Variants in ZMAT4 observed in about 807,000 individuals in gnomAD.
ZMAT4 encodes zinc finger matrin-type protein 4.
Under a neutral mutation model 28.7 loss-of-function variants are expected in ZMAT4, and 17 were observed. That is an observed-to-expected ratio of 0.59 (90% CI 0.41 to 0.89). The LOEUF is 0.89. ZMAT4 is among the 40% of genes least tolerant of loss of function. The pLI is 0.00. For missense variants in ZMAT4, 240 were observed against 283.8 expected (o/e 0.85, Z 1.11); for synonymous variants, 117 against 109.2 (o/e 1.07, Z -0.44).
At chr8:40,566,140 T>C (rs1201607115) in intron 6 of ZMAT4, among the ~76,000 whole-genome samples, 1 of 152,162 alleles carries the variant, frequency 6.6e-6, no homozygotes, top group Non-Finnish European at 1.5e-5. Context: ...CAAGGAAAGT[T>C]CTGATGTTCC....
chr8:40,831,517 C>T (rs1251400290), intron 1 of ZMAT4, among the ~76,000 whole-genome samples: 2 of 152,240 alleles, frequency 1.3e-5, no homozygotes, highest in African/African-American at 2.4e-5. Flanking sequence ...AGGGTGGCAT[C>T]TCCTCCAGCC....
intron 5 of ZMAT4, among the ~76,000 whole-genome samples, chr8:40,660,715 T>TA (rs1446753465): frequency 2.0e-5 from 3 of 152,206 alleles, no homozygotes; most frequent in African/African-American, 7.2e-5. Flanking sequence ...ACCTCAACTA[T>TA]AAAATCCCCA....
chr8:40,756,944 C>T (rs1415474215), intron 3 of ZMAT4, among the ~76,000 whole-genome samples: 1 of 152,126 alleles, frequency 6.6e-6, no homozygotes, highest in East Asian at 1.9e-4. Flanking sequence ...TCACTCAGCA[C>T]TGTCACTCAG....
rs183935841 is a variant in ZMAT4, at chr8:40,671,025, G to A, written c.577+3679C>T. On this transcript the variant is annotated intron_variant, in intron 5 of 6. Transcript: ENST00000297737. ...AGAGGTTGCAGTGAGCTGAGATCATGCCACTGCACTCCAGCCTGGCAACAG... is the reference window on the plus strand; with the variant it reads ...AGAGGTTGCAGTGAGCTGAGATCATACCACTGCACTCCAGCCTGGCAACAG... Among the ~76,000 whole-genome samples, 818 of 149,518 alleles carry A rather than the reference G, an allele frequency of 5.5e-3. 5 individuals are homozygous for A. Among genetic ancestry groups the A allele is most frequent in the African/African-American group, 0.019 (784 of 40,480 alleles).
intron 2 of ZMAT4, among the ~76,000 whole-genome samples, chr8:40,801,859 T>C (rs1364768659): frequency 6.6e-6 from 1 of 151,912 alleles, no homozygotes; most frequent in African/African-American, 2.4e-5. Flanking sequence ...AATCCAACAA[T>C]GTACAAAATA....
chr8:40,571,009 A>G (rs1804080283), intron 6 of ZMAT4, among the ~76,000 whole-genome samples: 1 of 152,160 alleles, frequency 6.6e-6, no homozygotes, highest in Admixed American at 6.6e-5. Context: ...GGGGTTCACA[A>G]TTAAAGCTGA....
chr8:40,616,405 T>C (rs1262327500), intron 5 of ZMAT4, among the ~76,000 whole-genome samples: 1 of 152,248 alleles, frequency 6.6e-6, no homozygotes, highest in Non-Finnish European at 1.5e-5. Context: ...CAAAGGATTA[T>C]AAATCATGCT....
intron 2 of ZMAT4, among the ~76,000 whole-genome samples, chr8:40,790,260 T>C (rs1037057691): frequency 3.3e-5 from 5 of 152,142 alleles, no homozygotes; most frequent in African/African-American, 1.2e-4. Flanking sequence ...CAGTAGAAAA[T>C]ACAGAATCTA....
At chr8:40,681,334 A>G (rs1809155930) in intron 4 of ZMAT4, among the ~76,000 whole-genome samples, 1 of 152,202 alleles carries the variant, frequency 6.6e-6, no homozygotes, top group South Asian at 2.1e-4. Context: ...CATTTTTTCT[A>G]AAAAACACTT....
At chr8:40,695,728 T>C (rs1360253400) in intron 4 of ZMAT4, among the ~76,000 whole-genome samples, 1 of 151,226 alleles carries the variant, frequency 6.6e-6, no homozygotes, top group Non-Finnish European at 1.5e-5. Flanking sequence ...GTCTTGAAGC[T>C]GTATTTAAAT....
At chr8:40,897,064 A>G (rs1818903026) in intron 1 of ZMAT4, among the ~76,000 whole-genome samples, 1 of 151,368 alleles carries the variant, frequency 6.6e-6, no homozygotes, top group African/African-American at 2.4e-5. Context: ...CTCCTCTGAG[A>G]ACTGTTTTGC....
chr8:40,789,280 CGTT>C lies in ZMAT4; in HGVS notation c.103-21553_103-21551del, dbSNP rs1480408985. ...GGCACCTATGAAAACTTACGGCTAG[CGTT>C]GTACTTAATGGTGAAAGACTGAATG... is the stretch of plus-strand genomic sequence containing the variant. On this transcript the variant is annotated intron_variant, in intron 2 of 6. Transcript: ENST00000297737. Among the ~76,000 whole-genome samples, 3 of 152,222 alleles carry C rather than the reference CGTT, an allele frequency of 2.0e-5. No homozygotes were observed. In the East Asian group the frequency reaches 5.8e-4, roughly 29 times the overall value.
intron 2 of ZMAT4, among the ~76,000 whole-genome samples, chr8:40,785,079 G>A (rs1343340365): frequency 6.6e-6 from 1 of 152,202 alleles, no homozygotes; most frequent in Non-Finnish European, 1.5e-5. Context: ...ATTGCATATT[G>A]ATGCTTCTAA....
At chr8:40,695,274 G>T (rs981979453) in intron 4 of ZMAT4, among the ~76,000 whole-genome samples, 5 of 152,162 alleles carry the variant, frequency 3.3e-5, no homozygotes, top group Non-Finnish European at 5.9e-5. Flanking sequence ...TCTGCTCCCT[G>T]CCAACAGCTG....
chr8:40,813,190 C>A (rs905857170), intron 2 of ZMAT4, among the ~76,000 whole-genome samples: 1 of 151,878 alleles, frequency 6.6e-6, no homozygotes, highest in Non-Finnish European at 1.5e-5. Flanking sequence ...TAAAAAAAAT[C>A]CATGCCCACA....
rs544050064 is a variant in ZMAT4, at chr8:40,879,241, G to C, written c.-5+18442C>G. ...GTTCAAGACCATCCTGAGCAACGTG[G>C]CCAGACCCGAGCTCTACAAAAAATT... On this transcript the variant is annotated intron_variant, in intron 1 of 6. Transcript: ENST00000297737. 2.5e-4 allele frequency among the ~76,000 whole-genome samples: 38 copies of C among 152,206 alleles called. No homozygotes were observed. The South Asian group carries it at 7.5e-3, about 30-fold the overall frequency.
rs139840907 is a variant in ZMAT4, at chr8:40,865,116, G to A, written c.-5+32567C>T. ...CCCTTTAAACGTACGCTTTTTGCAC[G>A]GACATATCTCAGCAAAAGTGAGGGC... On this transcript the variant is annotated intron_variant, in intron 1 of 6. Coordinates refer to ENST00000297737, the MANE Select transcript of ZMAT4 (RefSeq NM_024645.3). Among the ~76,000 whole-genome samples, 88 of 152,132 alleles carry A rather than the reference G, an allele frequency of 5.8e-4. 1 individual carries two copies. In the East Asian group the frequency reaches 0.014, roughly 24 times the overall value.
intron 5 of ZMAT4, among the ~76,000 whole-genome samples, chr8:40,631,314 C>T (rs1806572580): frequency 6.6e-6 from 1 of 152,202 alleles, no homozygotes; most frequent in Admixed American, 6.5e-5. Flanking sequence ...CAAATTACCA[C>T]ATCCAGCTAA....
chr8:40,616,610 A>G (rs1352349573), intron 5 of ZMAT4, among the ~76,000 whole-genome samples: 2 of 152,150 alleles, frequency 1.3e-5, no homozygotes, highest in Non-Finnish European at 2.9e-5. Flanking sequence ...GCTGGAAATC[A>G]TCATTCTGAG....
Sources: allele counts gnomAD v4.1 joint callset (sites outside exome capture counted in the v4.1 genomes callset), GRCh38; gene constraint gnomAD v4.1.1; transcripts MANE v1.5; gene names NCBI Gene and HGNC (gene_info 2026-07-23, HGNC 2026-07-21).